Variants in PRKAG2 observed in about 807,000 individuals in gnomAD.
PRKAG2 encodes 5'-AMP-activated protein kinase subunit gamma-2.
Under a neutral mutation model 69.6 loss-of-function variants are expected in PRKAG2, and 26 were observed. The ratio of observed to expected loss-of-function variants is 0.37; its 90% CI spans 0.27 to 0.52. The LOEUF (loss-of-function observed/expected upper bound fraction) is 0.52. Among genes scored for constraint, PRKAG2 ranks in the 20% least tolerant of loss-of-function variants. The pLI is 0.90. For missense variants in PRKAG2, 557 were observed against 740.0 expected (o/e 0.75, Z 2.87); for synonymous variants, 293 against 285.0 (o/e 1.03, Z -0.28).
At chr7:151,657,588 G>GCAA (rs1829630418) in intron 4 of PRKAG2, among the ~76,000 whole-genome samples, 1 of 152,122 alleles carries the variant, frequency 6.6e-6, no homozygotes, top group African/African-American at 2.4e-5. Flanking sequence ...TCTAAACCTT[G>GCAA]GTTCTTAACT....
intron 3 of PRKAG2, 119 bp from the exon 4 acceptor site, chr7:151,675,756 G>A (rs1832831474): frequency 1.0e-6 from 1 of 997,032 alleles, no homozygotes; most frequent in South Asian, 1.3e-5. Flanking sequence ...CCGGCCTCCA[G>A]GAAGGGACGT....
chr7:151,686,237 G>A (rs954729676), intron 3 of PRKAG2, among the ~76,000 whole-genome samples: 3 of 152,186 alleles, frequency 2.0e-5, no homozygotes, highest in African/African-American at 4.8e-5. Context: ...GCTGTGTGAC[G>A]TTCCCCAGGT....
chr7:151,781,494 T>C lies in PRKAG2; in HGVS notation c.187-63A>G, dbSNP rs2076667465. 6 of 1,532,178 alleles carry C rather than the reference T, an allele frequency of 3.9e-6. No homozygotes were observed. The Admixed American group carries it at 5.9e-5, about 15-fold the overall frequency. 94.9% of individuals were successfully genotyped at this position (1,532,178 alleles called of 1,614,324 possible). A position where few individuals can be genotyped will look rare whatever the true frequency, so the allele number is the denominator to read the frequency against. ...GCTCTGGACACGCTGCCTCCTGCCC[T>C]GTATGAAACTTATCATTGTCCTCTC... On this transcript the variant is annotated intron_variant, in intron 2 of 15. Coordinates refer to ENST00000287878, the MANE Select transcript of PRKAG2 (RefSeq NM_016203.4). The surrounding 1 kb of genome is among the most constrained non-coding windows in gnomAD (Gnocchi z 6.1).
At chr7:151,753,690 T>G (rs1405700420) in intron 3 of PRKAG2, among the ~76,000 whole-genome samples, 1 of 152,142 alleles carries the variant, frequency 6.6e-6, no homozygotes, top group Non-Finnish European at 1.5e-5. Context: ...GTGCTGGAAT[T>G]ACAAGCGTGA....
chr7:151,714,946 T>C (rs1795921619), intron 3 of PRKAG2, among the ~76,000 whole-genome samples: 1 of 150,774 alleles, frequency 6.6e-6, no homozygotes, highest in Admixed American at 6.6e-5. Context: ...CGAGACTCCA[T>C]CTCAAAAAAA....
intron 1 of PRKAG2, among the ~76,000 whole-genome samples, chr7:151,874,030 T>TATGTATATG (rs1164901365): frequency 6.7e-6 from 1 of 149,040 alleles, no homozygotes; most frequent in Non-Finnish European, 1.5e-5. Context: ...ATATGATGTA[T>TATGTATATG]ATGTATATGA....
chr7:151,845,724 G>A (rs2079414478), intron 1 of PRKAG2, among the ~76,000 whole-genome samples: 4 of 152,216 alleles, frequency 2.6e-5, no homozygotes, highest in Admixed American at 2.0e-4. Flanking sequence ...AGGGCGGCAG[G>A]TAGTGGGAGC....
In PRKAG2 at chr7:151,632,330, CGCCGCCGCAGGTGGCGCG is replaced by C; in HGVS notation, c.685-210_685-193del. On this transcript the variant is annotated intron_variant, in intron 4 of 15. Coordinates refer to ENST00000287878, the MANE Select transcript of PRKAG2 (RefSeq NM_016203.4). The surrounding 1 kb of genome is among the most constrained non-coding windows in gnomAD (Gnocchi z 4.2). ...GCCCCCACCCGCCCGAGGCCGCCGC[CGCCGCCGCAGGTGGCGCG>C]GCCGCGGCCCGCGTGCCCCTCCGCG... 2 of 712,592 alleles carry C rather than the reference CGCCGCCGCAGGTGGCGCG, an allele frequency of 2.8e-6. No individual in the cohort carries two copies. Among genetic ancestry groups the C allele is most frequent in the Non-Finnish European group, 3.4e-6 (2 of 582,706 alleles). 44.1% of individuals were successfully genotyped at this position (712,592 alleles called of 1,614,324 possible). A position where few individuals can be genotyped will look rare whatever the true frequency, so the allele number is the denominator to read the frequency against.
intron 3 of PRKAG2, among the ~76,000 whole-genome samples, chr7:151,736,916 C>T (rs753510409): frequency 2.0e-5 from 3 of 152,172 alleles, no homozygotes; most frequent in Admixed American, 6.5e-5. Context: ...GTGACTTCCC[C>T]AAGATCCTGT....
chr7:151,577,267 G>A (rs1455513939), intron 6 of PRKAG2, among the ~76,000 whole-genome samples: 1 of 151,986 alleles, frequency 6.6e-6, no homozygotes, highest in Non-Finnish European at 1.5e-5. Context: ...GACACAAATG[G>A]GTCAGGCACT....
intron 1 of PRKAG2, among the ~76,000 whole-genome samples, chr7:151,805,719 T>G (rs182245490): frequency 6.6e-5 from 10 of 152,298 alleles, no homozygotes; most frequent in Admixed American, 5.2e-4. Flanking sequence ...TTCACTGAGT[T>G]TAGAGGCAAT....
Position 151,771,139 on chromosome 7 carries a change from G to C in PRKAG2, c.466+10013C>G, listed in dbSNP as rs2076002595. Reference sequence around the variant, plus strand: ...TAAGATCTGCCTGATTTCTACTACTGTAAGAACATAGAAAGTAATCTCATT... The same window carrying C: ...TAAGATCTGCCTGATTTCTACTACTCTAAGAACATAGAAAGTAATCTCATT... On this transcript the variant is annotated intron_variant, in intron 3 of 15. Transcript: ENST00000287878. This position sits in a 1 kb window ranked among gnomAD's most constrained non-coding sequence, Gnocchi z 4.0. Among the ~76,000 whole-genome samples the C allele has an allele frequency of 6.6e-6, 1 of 152,090 alleles. No homozygotes were observed. The highest frequency in any genetic ancestry group is 1.5e-5 in the Non-Finnish European group (1 of 68,012).
intron 1 of PRKAG2, among the ~76,000 whole-genome samples, chr7:151,795,170 G>C (rs2077436395): frequency 6.6e-6 from 1 of 152,258 alleles, no homozygotes; most frequent in South Asian, 2.1e-4. Context: ...AGGAGGGAGA[G>C]TGGGGGGCAG....
intron 6 of PRKAG2, among the ~76,000 whole-genome samples, chr7:151,586,475 C>A (rs1191725561): frequency 6.6e-6 from 1 of 152,214 alleles, no homozygotes; most frequent in Non-Finnish European, 1.5e-5. Context: ...CAGACCTCTT[C>A]TCCGCAACTC....
chr7:151,750,223 C>T (rs2074575006), intron 3 of PRKAG2, among the ~76,000 whole-genome samples: 1 of 151,450 alleles, frequency 6.6e-6, no homozygotes, highest in South Asian at 2.1e-4. Flanking sequence ...AAGTTAAACA[C>T]AAAATGACCA....
At position 151,565,383 on chromosome 7, in the gene PRKAG2, C is replaced by T; in HGVS notation, c.1400G>A (p.Gly467Glu). The part of the protein sequence containing the change: ...ISALPVVDES[G>E]KVVDIYSKFD... The stretch of plus-strand genomic sequence containing the variant: ...TTTGGAATAAATATCTACAACTTTT[C>T]CTAAAAATGAAAAATATATGTTAGA... Residue 467 changes from glycine to glutamate, a missense_variant and splice_region_variant, in exon 13 of 16, where the codon GGA (glycine) becomes GAA (glutamate). Around this residue, in one of 2 missense-constraint regions of PRKAG2, gnomAD observed 205 missense variants for 383.4 expected, o/e 0.53. Transcript: ENST00000287878. The T allele has an allele frequency of 7.3e-7, 1 of 1,361,968 alleles. No homozygotes were observed. The highest frequency in any genetic ancestry group is 1.0e-6 in the Non-Finnish European group (1 of 978,088). 84.4% of individuals were successfully genotyped at this position (1,361,968 alleles called of 1,614,324 possible). A position where few individuals can be genotyped will look rare whatever the true frequency, so the allele number is the denominator to read the frequency against.
chr7:151,654,468 T>C (rs1185377861), intron 4 of PRKAG2, among the ~76,000 whole-genome samples: 2 of 152,234 alleles, frequency 1.3e-5, no homozygotes, highest in African/African-American at 4.8e-5. Flanking sequence ...CATATAGTTA[T>C]GAATTCTTTT....
At chr7:151,707,146 G>A (rs966133003) in intron 3 of PRKAG2, among the ~76,000 whole-genome samples, 8 of 152,214 alleles carry the variant, frequency 5.3e-5, no homozygotes, top group African/African-American at 1.7e-4. Flanking sequence ...CCAAGCACCT[G>A]GATAGCAACT....
At chr7:151,728,084 G>T (rs1455827711) in intron 3 of PRKAG2, among the ~76,000 whole-genome samples, 3 of 152,206 alleles carry the variant, frequency 2.0e-5, no homozygotes, top group African/African-American at 7.2e-5. Context: ...TTTGACCACG[G>T]GCCTGACCGG....
Sources: gnomAD v4.1 joint callset for allele counts (sites outside exome capture counted in the v4.1 genomes callset) on GRCh38, gnomAD v4.1.1 for gene constraint, gnomAD v4.1.1 regional missense constraint, Gnocchi (gnomAD v3.1) non-coding constraint, MANE v1.5 for transcripts, NCBI Gene and HGNC (gene_info 2026-07-23, HGNC 2026-07-21) for gene names.